The following CACNA1C variants were observed in gnomAD, a reference collection of about 807,000 sequenced individuals.
CACNA1C encodes the protein voltage-dependent L-type calcium channel subunit alpha-1C.
In CACNA1C, 30 loss-of-function variants were observed where a neutral mutation model predicts 229.0. The observed-to-expected ratio is 0.13, with a 90% CI of 0.10 to 0.18. The LOEUF (loss-of-function observed/expected upper bound fraction) is 0.18. CACNA1C is among the 10% of genes least tolerant of loss of function. The pLI is 1.00. For missense variants in CACNA1C, 1,658 were observed against 2,845.0 expected (o/e 0.58, Z 9.49); for synonymous variants, 1,114 against 1,132.5 (o/e 0.98, Z 0.33).
chr12:2,203,200 G>C (rs546430224), intron 3 of CACNA1C, among the ~76,000 whole-genome samples: 2 of 152,144 alleles, frequency 1.3e-5, no homozygotes, highest in Non-Finnish European at 2.9e-5. Flanking sequence ...GACCAGCCAG[G>C]ACTGAGAAGG....
At chr12:1,973,328 C>A (rs1169209706) in intron 1 of CACNA1C, among the ~76,000 whole-genome samples, 1 of 152,078 alleles carries the variant, frequency 6.6e-6, no homozygotes. Context: ...TACTCATGAA[C>A]ATTTTGGGGG....
chr12:1,982,732 T>C (rs958396485), intron 1 of CACNA1C, among the ~76,000 whole-genome samples: 2 of 152,178 alleles, frequency 1.3e-5, no homozygotes, highest in African/African-American at 4.8e-5. Flanking sequence ...ACAAGAGACA[T>C]TGATCAATAA....
intron 3 of CACNA1C, among the ~76,000 whole-genome samples, chr12:2,252,838 G>A (rs2076085326): frequency 2.0e-5 from 3 of 151,136 alleles, no homozygotes; most frequent in South Asian, 4.2e-4. Context: ...TTAGAGGATG[G>A]CACTTTGCTG....
chr12:2,271,773 G>A (rs1482451368), intron 3 of CACNA1C, among the ~76,000 whole-genome samples: 1 of 152,030 alleles, frequency 6.6e-6, no homozygotes, highest in Non-Finnish European at 1.5e-5. Flanking sequence ...GTGCATGCCT[G>A]TAGTCCCAGC....
chr12:2,062,374 C>T (rs933643076), intron 1 of CACNA1C, among the ~76,000 whole-genome samples: 1 of 152,228 alleles, frequency 6.6e-6, no homozygotes, highest in African/African-American at 2.4e-5. Context: ...AGCAATGTGG[C>T]CACAGCCACC....
At chr12:2,288,415 C>T (rs1407315572) in intron 3 of CACNA1C, among the ~76,000 whole-genome samples, 12 of 152,142 alleles carry the variant, frequency 7.9e-5, no homozygotes, top group Admixed American at 7.9e-4. Flanking sequence ...GGTCAGTTGC[C>T]CTGAAATAGG....
At chr12:1,976,368 G>A (rs2034360718) in intron 1 of CACNA1C, among the ~76,000 whole-genome samples, 1 of 152,138 alleles carries the variant, frequency 6.6e-6, no homozygotes, top group South Asian at 2.1e-4. Flanking sequence ...AATTTTGGTG[G>A]CTCTTCTTTC....
At chr12:2,308,173 G>T (rs559199682) in intron 3 of CACNA1C, among the ~76,000 whole-genome samples, 2 of 152,144 alleles carry the variant, frequency 1.3e-5, no homozygotes, top group Non-Finnish European at 2.9e-5. Flanking sequence ...TGTCCAAGTG[G>T]GTTAGAGAAA....
At chr12:2,281,900 C>CTT (rs1156623474) in intron 3 of CACNA1C, among the ~76,000 whole-genome samples, 6 of 151,982 alleles carry the variant, frequency 3.9e-5, no homozygotes, top group African/African-American at 1.4e-4. Flanking sequence ...TGTGAGAACT[C>CTT]TAATTACACA....
chr12:2,186,007 G>T (rs770594559), intron 3 of CACNA1C, among the ~76,000 whole-genome samples: 14 of 152,118 alleles, frequency 9.2e-5, no homozygotes, highest in Non-Finnish European at 1.5e-4. Context: ...TTTCCTGGCC[G>T]CTCTCTGGCT....
intron 1 of CACNA1C, among the ~76,000 whole-genome samples, chr12:2,091,789 G>T (rs1261057971): frequency 2.0e-5 from 3 of 152,220 alleles, no homozygotes; most frequent in Non-Finnish European, 4.4e-5. Flanking sequence ...AGCATCTTTT[G>T]TAGGGAGGGT....
chr12:2,527,566 A>G (rs1013583456), intron 9 of CACNA1C, among the ~76,000 whole-genome samples: 1 of 152,184 alleles, frequency 6.6e-6, no homozygotes, highest in African/African-American at 2.4e-5. Flanking sequence ...AAAATAACCA[A>G]ATGCACACCT....
intron 1 of CACNA1C, among the ~76,000 whole-genome samples, chr12:1,977,050 T>C (rs1156755213): frequency 6.6e-6 from 1 of 152,234 alleles, no homozygotes; most frequent in African/African-American, 2.4e-5. Context: ...GCAGATAATG[T>C]GTCTTTCATT....
intron 1 of CACNA1C, among the ~76,000 whole-genome samples, chr12:2,006,624 T>C (rs1490179046): frequency 6.6e-6 from 1 of 152,178 alleles, no homozygotes; most frequent in Non-Finnish European, 1.5e-5. Flanking sequence ...TAATAATATG[T>C]TGCAATATAA....
intron 1 of CACNA1C, among the ~76,000 whole-genome samples, chr12:2,111,526 G>A (rs1271205581): frequency 2.0e-5 from 3 of 151,542 alleles, no homozygotes; most frequent in Non-Finnish European, 4.4e-5. Flanking sequence ...GCAATGCAGG[G>A]GGGTGAGTAC....
At chr12:2,610,876 A>G (rs2077317923) in intron 28 of CACNA1C, among the ~76,000 whole-genome samples, 177 bp downstream of exon 28, 1 of 152,260 alleles carries the variant, frequency 6.6e-6, no homozygotes, top group South Asian at 2.1e-4. Context: ...GCCTTACGGA[A>G]GAATCCATGG....
chr12:2,016,031 T>C (rs1033782679), intron 1 of CACNA1C, among the ~76,000 whole-genome samples: 11 of 152,204 alleles, frequency 7.2e-5, no homozygotes, highest in African/African-American at 2.7e-4. Context: ...GGCAATGCTC[T>C]TTCTACCAGG....
intron 5 of CACNA1C, among the ~76,000 whole-genome samples, chr12:2,484,331 G>A (rs1042457852): frequency 2.0e-5 from 3 of 152,150 alleles, no homozygotes; most frequent in Admixed American, 2.0e-4. Context: ...GTGGTGGGAG[G>A]AACAGTAGCA....
intron 3 of CACNA1C, among the ~76,000 whole-genome samples, chr12:2,190,231 C>G (rs2097168481): frequency 6.6e-6 from 1 of 152,162 alleles, no homozygotes; most frequent in Non-Finnish European, 1.5e-5. Context: ...TTAAACATTG[C>G]CAATCGATTT....
Sources: allele counts gnomAD v4.1 joint callset (sites outside exome capture counted in the v4.1 genomes callset), GRCh38; gene constraint gnomAD v4.1.1; transcripts MANE v1.5; gene names NCBI Gene and HGNC (gene_info 2026-07-23, HGNC 2026-07-21).